Variants in SYNPO2 observed in about 807,000 individuals in gnomAD.
SYNPO2 encodes the protein synaptopodin-2.
In SYNPO2, 56 loss-of-function variants were observed where a neutral mutation model predicts 85.0. The ratio of observed to expected loss-of-function variants is 0.66; its 90% confidence interval spans 0.53 to 0.82. The LOEUF is 0.82. Among genes scored for constraint, SYNPO2 ranks in the 40% least tolerant of loss-of-function variants. The pLI, the probability that SYNPO2 is intolerant of heterozygous loss-of-function variation, is 0.00. For synonymous variants in SYNPO2, 602 were observed against 591.1 expected (o/e 1.02, Z -0.27); for missense variants, 1,575 against 1,534.2 (o/e 1.03, Z -0.44).
intron 1 of SYNPO2, among the ~76,000 whole-genome samples, chr4:118,899,741 C>G (rs574862996): frequency 6.6e-6 from 1 of 152,008 alleles, no homozygotes; most frequent in South Asian, 2.1e-4. Flanking sequence ...AGTATTAAAC[C>G]CTGGCTGTAC....
At chr4:118,886,116 A>G (rs898432189), upstream of SYNPO2, among the ~76,000 whole-genome samples, 19 of 152,204 alleles carry the variant, frequency 1.2e-4, no homozygotes, top group African/African-American at 4.3e-4. Flanking sequence ...TAAGGGAGAA[A>G]TGATTTAAGG....
intron 4 of SYNPO2, among the ~76,000 whole-genome samples, chr4:119,050,658 C>T (rs1739009129): frequency 6.6e-6 from 1 of 152,136 alleles, no homozygotes; most frequent in Admixed American, 6.5e-5. Flanking sequence ...AAAAATGCCT[C>T]CTTAGTGTTA....
At chr4:119,028,682 A>T (rs964042715) in intron 3 of SYNPO2, among the ~76,000 whole-genome samples, 27 of 152,128 alleles carry the variant, frequency 1.8e-4, no homozygotes, top group African/African-American at 6.3e-4. Flanking sequence ...ATATTATAAA[A>T]TTATTTCCTT....
At chr4:119,005,834 G>A (rs1024772134) in intron 1 of SYNPO2, among the ~76,000 whole-genome samples, 8 of 152,140 alleles carry the variant, frequency 5.3e-5, no homozygotes, top group East Asian at 1.9e-4. Flanking sequence ...ATCAGTTGCC[G>A]AGAACAACTA....
At chr4:119,005,376 C>T (rs997119749) in intron 1 of SYNPO2, among the ~76,000 whole-genome samples, 16 of 151,972 alleles carry the variant, frequency 1.1e-4, no homozygotes, top group African/African-American at 3.6e-4. Context: ...ACATTATAGT[C>T]TTTAATCCAT....
intron 1 of SYNPO2, among the ~76,000 whole-genome samples, chr4:118,881,193 T>A (rs529725894): frequency 1.5e-4 from 23 of 150,932 alleles, no homozygotes; most frequent in Admixed American, 1.3e-3. Flanking sequence ...TTCCAGCTAC[T>A]CAGGAGGCTG....
At chr4:118,977,363 A>G (rs971673692) in intron 1 of SYNPO2, among the ~76,000 whole-genome samples, 1 of 152,150 alleles carries the variant, frequency 6.6e-6, no homozygotes, top group Admixed American at 6.5e-5. Flanking sequence ...TGCCAACCCC[A>G]CGCCCACCCG....
At chr4:119,027,685 A>G (rs936677996) in intron 3 of SYNPO2, among the ~76,000 whole-genome samples, 1 of 152,218 alleles carries the variant, frequency 6.6e-6, no homozygotes, top group Admixed American at 6.5e-5. Context: ...CCCCAAAGGC[A>G]CAGGAACTGT....
rs538058903 is a variant in SYNPO2 at position 119,059,380 on chromosome 4, A to G, written c.*1446A>G. The G allele has an allele frequency of 1.3e-5, 2 of 152,306 alleles. No homozygotes were observed. The highest frequency in any genetic ancestry group is 1.9e-4 in the East Asian group (1 of 5,184). The allele number at this position is 152,306 out of a possible 1,614,324, so 9.4% of individuals were successfully genotyped here. ...AGTGGTGCTTCTTTAGAAAGTTGTC[A>G]TTAGAATGTTCTGAGGAAGTTAAGC... On this transcript the variant is annotated 3_prime_UTR_variant, in exon 5 of 5. Transcript: ENST00000307142.
intron 1 of SYNPO2, among the ~76,000 whole-genome samples, chr4:119,016,496 T>TA (rs1737530943): frequency 6.6e-6 from 1 of 152,222 alleles, no homozygotes; most frequent in African/African-American, 2.4e-5. Context: ...TAATTCTTAT[T>TA]AAAAAGAGTA....
In SYNPO2 at chr4:119,014,326, A is replaced by G. The variant is rs545766689; in HGVS notation, c.106-9104A>G. Among the ~76,000 whole-genome samples the G allele has an allele frequency of 5.3e-4, 80 of 152,308 alleles. No homozygotes were observed. The South Asian group carries it at 0.014, about 28-fold the overall frequency. On this transcript the variant is annotated intron_variant, in intron 1 of 4. Transcript: ENST00000307142. ...CTACTCGGGAGGCTGAGGCAGGAGA[A>G]TTGCTTGAACCTGGGAGGCGGAGGT...
chr4:118,921,836 C>A (rs1255849895), intron 1 of SYNPO2, among the ~76,000 whole-genome samples: 1 of 151,616 alleles, frequency 6.6e-6, no homozygotes, highest in Non-Finnish European at 1.5e-5. Flanking sequence ...TTCATTCTTG[C>A]TTCTCCCTCA....
intron 4 of SYNPO2, chr4:119,035,433 C>T: frequency 2.0e-6 from 2 of 985,394 alleles, no homozygotes; most frequent in South Asian, 4.7e-5. Context: ...TTGACACATC[C>T]TGTTTTTTAG....
At chr4:118,911,872 C>G (rs1214729971) in intron 1 of SYNPO2, among the ~76,000 whole-genome samples, 1 of 152,120 alleles carries the variant, frequency 6.6e-6, no homozygotes, top group Non-Finnish European at 1.5e-5. Flanking sequence ...TAGACTTATA[C>G]AGTAAAGAGA....
chr4:119,034,571 C>T, intron 4 of SYNPO2: 2 of 985,584 alleles, frequency 2.0e-6, no homozygotes, highest in Non-Finnish European at 2.4e-6. Flanking sequence ...TCTACAACTT[C>T]AGCTGGGCAC....
chr4:118,875,405 T>G (rs1731887049), intron 1 of SYNPO2, among the ~76,000 whole-genome samples: 1 of 152,212 alleles, frequency 6.6e-6, no homozygotes, highest in Non-Finnish European at 1.5e-5. Flanking sequence ...CTAGCATGGT[T>G]TATCAAAATT....
intron 1 of SYNPO2, among the ~76,000 whole-genome samples, chr4:118,866,967 G>T (rs1220833223): frequency 1.3e-5 from 2 of 152,148 alleles, no homozygotes; most frequent in Non-Finnish European, 2.9e-5. Flanking sequence ...ACTTTTTAAA[G>T]TTATTCATTT....
intron 4 of SYNPO2, among the ~76,000 whole-genome samples, chr4:119,046,407 C>G (rs992932087): frequency 6.6e-6 from 1 of 152,232 alleles, no homozygotes; most frequent in Non-Finnish European, 1.5e-5. Context: ...GCCAACCCAG[C>G]TGCCTGCATT....
chr4:118,927,519 A>G (rs763840403), intron 1 of SYNPO2, among the ~76,000 whole-genome samples: 2 of 152,102 alleles, frequency 1.3e-5, no homozygotes, highest in Non-Finnish European at 2.9e-5. Flanking sequence ...ACTCTCAGAA[A>G]AGTCTTTCTT....
Sources: gnomAD v4.1 joint callset for allele counts (sites outside exome capture counted in the v4.1 genomes callset) on GRCh38, gnomAD v4.1.1 for gene constraint, MANE v1.5 for transcripts, NCBI Gene and HGNC (gene_info 2026-07-23, HGNC 2026-07-21) for gene names.